FBLN7: variants seen among roughly 807,000 people sequenced by gnomAD.
FBLN7 encodes fibulin-7.
In FBLN7, 31 loss-of-function variants were observed where a neutral mutation model predicts 44.0. The ratio of observed to expected loss-of-function variants is 0.70; its 90% confidence interval spans 0.53 to 0.95. The LOEUF (loss-of-function observed/expected upper bound fraction) is 0.95. Among genes scored for constraint, FBLN7 ranks in the 40% least tolerant of loss-of-function variants. The probability of loss-of-function intolerance (pLI) is 0.00; values close to 1 mark genes in which losing one functional copy is unlikely to be tolerated. For missense variants in FBLN7, 573 were observed against 618.5 expected (o/e 0.93, Z 0.78); for synonymous variants, 262 against 253.4 (o/e 1.03, Z -0.32).
chr2:112,185,203 G>A lies in FBLN7; in HGVS notation c.811G>A (p.Val271Met). ...CTGTTGTATGTCCTGTATCTCAGAT[G>A]TGGATGAATGTGTGGGCCTGCAGCC... ...TLADGKSCED[V>M]DECVGLQPVC... The change falls in exon 7 of 8, where the codon GTG (valine) becomes ATG (methionine). Residue 271 changes from valine to methionine, a missense_variant and splice_region_variant. Transcript: ENST00000331203. 2 of 1,613,116 alleles carry A rather than the reference G, an allele frequency of 1.2e-6. No individual in the cohort carries two copies. The highest frequency in any genetic ancestry group is 1.3e-5 in the African/African-American group (1 of 75,004).
chr2:112,143,120 C>T (rs1279801079), intron 1 of FBLN7, among the ~76,000 whole-genome samples: 7 of 152,150 alleles, frequency 4.6e-5, no homozygotes, highest in African/African-American at 1.2e-4. Context: ...TGTCCCAAGT[C>T]ACTTTGCAGG....
chr2:112,208,820 A>G, the FBLN7 span, among the ~76,000 whole-genome samples: 1 of 152,210 alleles, frequency 6.6e-6, no homozygotes, highest in Non-Finnish European at 1.5e-5. Flanking sequence ...TGACAACTTC[A>G]AGTTCCTCTG....
chr2:112,160,060 G>A (rs983216423), intron 2 of FBLN7, among the ~76,000 whole-genome samples: 38 of 150,174 alleles, frequency 2.5e-4, no homozygotes, highest in African/African-American at 6.8e-4. Context: ...GCGCGATCTC[G>A]GCTCACTGCA....
intron 3 of FBLN7, among the ~76,000 whole-genome samples, chr2:112,168,594 C>T (rs1232764909): frequency 6.6e-6 from 1 of 152,144 alleles, no homozygotes; most frequent in Non-Finnish European, 1.5e-5. Context: ...GCCAAACTTG[C>T]CAGGAGGGAG....
Position 112,181,415 on chromosome 2 carries a change from G to T in FBLN7, c.533-324G>T, listed in dbSNP as rs192042080. On this transcript the variant is annotated intron_variant, in intron 4 of 7. Transcript: ENST00000331203. ...ATGGTTTTAAACTCTAGTGATCACC[G>T]TTAGAATTTTGGGGTGTTCAAGTCT... Among the ~76,000 whole-genome samples, 8 of 152,156 alleles carry T rather than the reference G, an allele frequency of 5.3e-5. No individual in the cohort carries two copies. In the East Asian group the frequency reaches 1.5e-3, roughly 29 times the overall value.
At chr2:112,157,889 T>C (rs1681516251) in intron 1 of FBLN7, among the ~76,000 whole-genome samples, 1 of 151,068 alleles carries the variant, frequency 6.6e-6, no homozygotes, top group Non-Finnish European at 1.5e-5. Context: ...CAGCCTGTCC[T>C]GGTTCTTTGG....
intron 4 of FBLN7, among the ~76,000 whole-genome samples, chr2:112,180,922 C>CAAAAAA (rs60214148): frequency 8.1e-5 from 6 of 74,306 alleles, no homozygotes; most frequent in Non-Finnish European, 1.2e-4. Context: ...GACTCTGTCT[C>CAAAAAA]AAAAAAAAAA....
chr2:112,231,564 TTTAGC>T, the FBLN7 span, among the ~76,000 whole-genome samples: 1 of 152,224 alleles, frequency 6.6e-6, no homozygotes, highest in Non-Finnish European at 1.5e-5. Context: ...ATTTGCTTTG[TTTAGC>T]TTAGCTTAGC....
chr2:112,178,525 C>G (rs1682840268), intron 4 of FBLN7, among the ~76,000 whole-genome samples: 1 of 152,100 alleles, frequency 6.6e-6, no homozygotes. Context: ...ATCTCGATAC[C>G]AAAACCTGGC....
In FBLN7 at chr2:112,181,784, C is replaced by T. The variant is rs1047601901; in HGVS notation, c.578C>T (p.Ala193Val). ...GCCGGCGACTCCGCCTTCAGCCGCG[C>T]GCCGCGCTGTGCGCAGGTGGAGCGG... ...SVAGDSAFSR[A>V]PRCAQVERAQ... The change falls in exon 5 of 8, where the codon GCG becomes GTG. Residue 193 changes from alanine (A) to valine (V), a missense_variant. Transcript: ENST00000331203. 9.6e-6 allele frequency: 14 copies of T among 1,451,962 alleles called. No individual in the cohort carries two copies. Among genetic ancestry groups the T allele is most frequent in the South Asian group, 8.1e-5 (6 of 74,278 alleles). 89.9% of individuals were successfully genotyped at this position (1,451,962 alleles called of 1,614,324 possible).
Position 112,186,269 on chromosome 2 carries a change from C to G in FBLN7, c.948-865C>G, listed in dbSNP as rs571822980. On this transcript the variant is annotated intron_variant, in intron 7 of 7. Transcript: ENST00000331203. ...CTAGATTGCATTTGTCTTTTAACAA[C>G]ATAGAGAAATATCGAAAGCATTTCC... 1.5e-3 allele frequency among the ~76,000 whole-genome samples: 221 copies of G among 152,260 alleles called. 2 individuals carry two copies. The highest frequency in any genetic ancestry group is 5.0e-3 in the African/African-American group (207 of 41,550).
At position 112,159,792 on chromosome 2, in the gene FBLN7, G is replaced by A. The variant is rs753232632; in HGVS notation, c.192G>A (p.Ala64=). 5.0e-6 allele frequency: 8 copies of A among 1,592,198 alleles called. No homozygotes were observed. Among genetic ancestry groups the A allele is most frequent in the Non-Finnish European group, 6.8e-6 (8 of 1,170,384 alleles). ...GIRHMKSRLA[A]LQNSVGRVGP... is the part of the protein sequence containing the mutation. ...GCCACATGAAGAGCCGGCTGGCCGC[G>A]CTGCAGAACTCTGTGGGCAGGGTGG... The change falls in exon 2 of 8, where the codon GCG becomes GCA. Residue 64 remains alanine, a synonymous_variant. Coordinates refer to ENST00000331203, the MANE Select transcript of FBLN7 (RefSeq NM_153214.3).
chr2:112,226,370 T>C, the FBLN7 span, among the ~76,000 whole-genome samples: 2 of 151,708 alleles, frequency 1.3e-5, no homozygotes, highest in Non-Finnish European at 2.9e-5. Context: ...GGGCAGATCA[T>C]GAGGTCAGGA....
the FBLN7 span, among the ~76,000 whole-genome samples, chr2:112,197,321 A>G: frequency 6.7e-6 from 1 of 150,060 alleles, no homozygotes; most frequent in Non-Finnish European, 1.5e-5. Flanking sequence ...AGAGAGAAAC[A>G]TGCAGAGAGA....
At position 112,173,904 on chromosome 2, in the gene FBLN7, G is replaced by A. The variant is rs544038271; in HGVS notation, c.407-1810G>A. Reference sequence around the variant, plus strand: ...AGCCTGTCTAGAAATGAATACACTGGGTGGATCCAGAGAGGGAGACAGAGT... The same window carrying A: ...AGCCTGTCTAGAAATGAATACACTGAGTGGATCCAGAGAGGGAGACAGAGT... On this transcript the variant is annotated intron_variant, in intron 3 of 7. Coordinates refer to ENST00000331203, the MANE Select transcript of FBLN7 (RefSeq NM_153214.3). 2.6e-5 allele frequency among the ~76,000 whole-genome samples: 4 copies of A among 152,318 alleles called. No individual in the cohort carries two copies. In the South Asian group the frequency reaches 6.2e-4, roughly 24 times the overall value.
At chr2:112,182,643 G>A (rs745995493) in intron 5 of FBLN7, 148 bp from the exon 6 acceptor site, 341 of 890,142 alleles carry the variant, frequency 3.8e-4, no homozygotes, top group Non-Finnish European at 5.4e-4. Flanking sequence ...GTGCTCTGCT[G>A]GGGGTAGGGC....
the FBLN7 span, among the ~76,000 whole-genome samples, chr2:112,218,189 G>C: frequency 6.6e-6 from 1 of 152,070 alleles, no homozygotes; most frequent in Non-Finnish European, 1.5e-5. Context: ...CATTCTCTAG[G>C]CATAATATTG....
chr2:112,176,054 T>A, intron 4 of FBLN7: 1 of 424,356 alleles, frequency 2.4e-6, no homozygotes, highest in Non-Finnish European at 4.0e-6. Context: ...TTTTGACCCT[T>A]CTTATAGTAG....
At chr2:112,223,188 C>T in the FBLN7 span, among the ~76,000 whole-genome samples, 43 of 151,728 alleles carry the variant, frequency 2.8e-4, no homozygotes, top group Non-Finnish European at 3.1e-4. Flanking sequence ...AGCACACCAA[C>T]ATGGCACATG....
Sources: gnomAD v4.1 joint callset for allele counts (sites outside exome capture counted in the v4.1 genomes callset) on GRCh38, gnomAD v4.1.1 for gene constraint, MANE v1.5 for transcripts, NCBI Gene and HGNC (gene_info 2026-07-23, HGNC 2026-07-21) for gene names.